The following DAB1 variants were observed in gnomAD, a reference collection of about 807,000 sequenced individuals.
The protein encoded by DAB1 is disabled homolog 1.
DAB1 carries 15 observed loss-of-function variants against 64.6 expected under a neutral mutation model. The ratio of observed to expected loss-of-function variants is 0.23; its 90% confidence interval spans 0.16 to 0.36. The LOEUF (loss-of-function observed/expected upper bound fraction) is 0.36, where lower values mean the gene tolerates loss of function less well. DAB1 is among the 10% of genes least tolerant of loss of function. The pLI, the probability that DAB1 is intolerant of heterozygous loss-of-function variation, is 1.00. For missense variants in DAB1, 596 were observed against 706.7 expected (o/e 0.84, Z 1.78); for synonymous variants, 235 against 251.9 (o/e 0.93, Z 0.64).
At chr1:57,193,383 T>TTTTTTTG (rs1553154359) in intron 2 of DAB1, among the ~76,000 whole-genome samples, 1 of 120,104 alleles carries the variant, frequency 8.3e-6, no homozygotes, top group Non-Finnish European at 1.7e-5. Flanking sequence ...TAGCATATGT[T>TTTTTTTG]TTTTTTTTTT....
chr1:57,815,148 T>C (rs1254652127), intron 6 of DAB1, among the ~76,000 whole-genome samples: 1 of 152,086 alleles, frequency 6.6e-6, no homozygotes. Context: ...CTCAGCTCAC[T>C]GCAAGCTCCA....
chr1:57,634,006 A>G (rs889729640), intron 7 of DAB1, among the ~76,000 whole-genome samples: 7 of 152,252 alleles, frequency 4.6e-5, no homozygotes, highest in African/African-American at 1.4e-4. Context: ...ATAAACTTAC[A>G]GTGTGCCATG....
rs529532213 is a variant in DAB1 at position 57,159,769 on chromosome 1, C to T, written c.68-14340G>A. On this transcript the variant is annotated intron_variant, in intron 2 of 14. Transcript: ENST00000371236. ...AATCAGGCTCAGCAGTTCTATGACT[C>T]CCAGCAATTTTTCCAGACAAAGGAA... Among the ~76,000 whole-genome samples, 10 of 148,376 alleles carry T rather than the reference C, an allele frequency of 6.7e-5. No individual in the cohort carries two copies. In the East Asian group the frequency reaches 1.6e-3, roughly 24 times the overall value.
At chr1:57,520,164 A>T (rs1359329756) in intron 7 of DAB1, among the ~76,000 whole-genome samples, 1 of 152,250 alleles carries the variant, frequency 6.6e-6, no homozygotes, top group Admixed American at 6.5e-5. Flanking sequence ...CATCAAAAAT[A>T]TATTGTAGCA....
intron 4 of DAB1, among the ~76,000 whole-genome samples, chr1:58,204,922 A>G (rs1046430636): frequency 6.6e-6 from 1 of 152,212 alleles, no homozygotes; most frequent in Non-Finnish European, 1.5e-5. Flanking sequence ...AAGGTTTACC[A>G]TGATAATATT....
intron 4 of DAB1, among the ~76,000 whole-genome samples, chr1:58,212,985 A>G (rs1188356619): frequency 6.6e-6 from 1 of 152,210 alleles, no homozygotes; most frequent in Non-Finnish European, 1.5e-5. Context: ...TGGTTCTTAG[A>G]GCCCATTTAA....
At chr1:57,684,442 T>C (rs1282997361) in intron 6 of DAB1, among the ~76,000 whole-genome samples, 4 of 152,098 alleles carry the variant, frequency 2.6e-5, no homozygotes, top group African/African-American at 9.7e-5. Flanking sequence ...GCAGAAACTT[T>C]AAAAACCAGA....
At chr1:57,857,916 A>G (rs1334859169) in intron 1 of DAB1, among the ~76,000 whole-genome samples, 3 of 150,350 alleles carry the variant, frequency 2.0e-5, no homozygotes, top group Non-Finnish European at 4.4e-5. Context: ...CAAGGTTCTT[A>G]TTTTTAAAAT....
chr1:57,802,939 T>G (rs1256067610), intron 6 of DAB1, among the ~76,000 whole-genome samples: 1 of 152,158 alleles, frequency 6.6e-6, no homozygotes, highest in Non-Finnish European at 1.5e-5. Context: ...CCTTTCTAGG[T>G]CTACTTGTTT....
chr1:58,425,335 C>T (rs1466801946), intron 3 of DAB1, among the ~76,000 whole-genome samples: 1 of 152,228 alleles, frequency 6.6e-6, no homozygotes, highest in African/African-American at 2.4e-5. Flanking sequence ...CCTGACAGTG[C>T]TCACATCCCT....
intron 4 of DAB1, among the ~76,000 whole-genome samples, chr1:58,321,448 AG>A (rs1662679564): frequency 6.6e-6 from 1 of 152,230 alleles, no homozygotes; most frequent in African/African-American, 2.4e-5. Context: ...AAGCCGAAGC[AG>A]GGCGAGGCAT....
At chr1:57,172,119 T>C (rs1661829185) in intron 2 of DAB1, among the ~76,000 whole-genome samples, 2 of 152,282 alleles carry the variant, frequency 1.3e-5, no homozygotes, top group Non-Finnish European at 2.9e-5. Context: ...GAAGTTCTCA[T>C]GATGTTCTCC....
intron 5 of DAB1, among the ~76,000 whole-genome samples, chr1:58,072,813 G>A (rs1353713782): frequency 6.6e-6 from 1 of 152,154 alleles, no homozygotes; most frequent in African/African-American, 2.4e-5. Context: ...TAACCAAGGG[G>A]AAAGCAAGGC....
Position 57,491,008 on chromosome 1 carries a change from T to C in DAB1, n.625+158584A>G, listed in dbSNP as rs2101276928. ...TCTTGCCACATGCAGAGAAGGCTTA[T>C]ACTGCAACAAGGAAAAGAGCATAGG... On this transcript the variant is annotated intron_variant and non_coding_transcript_variant, in intron 7 of 20. Coordinates refer to the DAB1 transcript ENST00000485760. Among the ~76,000 whole-genome samples, 2 of 152,372 alleles carry C rather than the reference T, an allele frequency of 1.3e-5. 1 individual carries two copies. Among genetic ancestry groups the C allele is most frequent in the South Asian group, 4.1e-4 (2 of 4,830 alleles).
rs891742370 is a variant in DAB1, at chr1:58,214,992, T to C, written n.310-64404A>G. 4.6e-5 allele frequency among the ~76,000 whole-genome samples: 7 copies of C among 152,182 alleles called. 1 individual carries two copies. The highest frequency in any genetic ancestry group is 2.6e-4 in the Admixed American group (4 of 15,266). ...ATGGGCAGGTTTCAGAGGGCCTCTA[T>C]CAGAGAAGTCAATGAATCAAAGGGC... On this transcript the variant is annotated intron_variant and non_coding_transcript_variant, in intron 4 of 20. Coordinates refer to the DAB1 transcript ENST00000485760.
At chr1:58,424,487 C>A (rs1299060437) in intron 3 of DAB1, among the ~76,000 whole-genome samples, 1 of 152,246 alleles carries the variant, frequency 6.6e-6, no homozygotes, top group Non-Finnish European at 1.5e-5. Flanking sequence ...ACCCACCTTT[C>A]TAGATGGCTC....
At position 57,057,501 on chromosome 1, in the gene DAB1, T is replaced by C. The variant is rs528348590; in HGVS notation, c.723+5383A>G. ...TCTTAAAATCCAAAAATTTTAGCGG[T>C]TTTCAGACAAGTATCTGGCAAATTC... On this transcript the variant is annotated intron_variant, in intron 9 of 14. Transcript: ENST00000371236. Among the ~76,000 whole-genome samples the C allele has an allele frequency of 1.4e-4, 22 of 152,174 alleles. No individual in the cohort carries two copies. In the South Asian group the frequency reaches 3.9e-3, roughly 27 times the overall value.
chr1:57,988,386 A>G (rs985785183), intron 5 of DAB1, among the ~76,000 whole-genome samples: 15 of 152,218 alleles, frequency 9.9e-5, no homozygotes, highest in African/African-American at 3.6e-4. Context: ...TCTTTTCCTC[A>G]CCTATAAAAT....
chr1:57,342,830 G>C (rs1031371006), intron 1 of DAB1, among the ~76,000 whole-genome samples: 2 of 149,620 alleles, frequency 1.3e-5, no homozygotes, highest in Non-Finnish European at 3.0e-5. Flanking sequence ...TTGGTTCCTC[G>C]CGGTGGGTTC....
Sources: gnomAD v4.1 joint callset for allele counts (sites outside exome capture counted in the v4.1 genomes callset) on GRCh38, gnomAD v4.1.1 for gene constraint, MANE v1.5 for transcripts, NCBI Gene and HGNC (gene_info 2026-07-23, HGNC 2026-07-21) for gene names.